The following KDM4B variants were observed in gnomAD, a reference collection of about 807,000 sequenced individuals.
KDM4B encodes the protein lysine demethylase 4B.
A neutral mutation model predicts 125.2 loss-of-function variants in KDM4B; 32 were observed. The observed-to-expected ratio is 0.26, with a 90% CI of 0.19 to 0.34. KDM4B has a LOEUF of 0.34. Ranked by LOEUF, KDM4B falls within the 10% of genes least tolerant of loss-of-function variation. The pLI, the probability that KDM4B is intolerant of heterozygous loss-of-function variation, is 1.00. For synonymous variants in KDM4B, 721 were observed against 677.9 expected (o/e 1.06, Z -0.99); for missense variants, 1,190 against 1,577.7 (o/e 0.75, Z 4.16).
Position 5,115,307 on chromosome 19 carries a change from CAGTG to C in KDM4B, c.1116-4345_1116-4342del, listed in dbSNP as rs904706715. 1.1e-4 allele frequency among the ~76,000 whole-genome samples: 17 copies of C among 152,104 alleles called. No homozygotes were observed. The highest frequency in any genetic ancestry group is 2.1e-4 in the Non-Finnish European group (14 of 68,004). ...GGATGTGGGGGCAACCAGCAGAAGA[CAGTG>C]GGTGGCTCTGGGCAGAAGGGAGGCG... is the stretch of plus-strand genomic sequence containing the variant. On this transcript the variant is annotated intron_variant, in intron 10 of 22. Transcript: ENST00000159111. The surrounding 1 kb of genome is among the most constrained non-coding windows in gnomAD (Gnocchi z 4.2).
At chr19:5,098,667 G>A (rs935470854) in intron 9 of KDM4B, among the ~76,000 whole-genome samples, 2 of 152,142 alleles carry the variant, frequency 1.3e-5, no homozygotes, top group Non-Finnish European at 2.9e-5. Flanking sequence ...AAGAGATGGG[G>A]CCTCTGGGAG....
intron 3 of KDM4B, among the ~76,000 whole-genome samples, 161 bp downstream of exon 3, chr19:5,033,192 G>C (rs1181336307): frequency 1.3e-5 from 2 of 152,246 alleles, no homozygotes; most frequent in Non-Finnish European, 2.9e-5. Context: ...TGTTTGTGGA[G>C]TTCCAACAAT....
chr19:5,127,264 G>A (rs983409207), intron 11 of KDM4B, among the ~76,000 whole-genome samples: 1 of 152,172 alleles, frequency 6.6e-6, no homozygotes, highest in Admixed American at 6.5e-5. Flanking sequence ...AGGTCCCTGT[G>A]GAGTGTAGTC....
At chr19:5,097,332 C>T (rs1252315493) in intron 9 of KDM4B, among the ~76,000 whole-genome samples, 1 of 152,182 alleles carries the variant, frequency 6.6e-6, no homozygotes, top group Non-Finnish European at 1.5e-5. Context: ...CTCACTGCAG[C>T]CTTGACCTCC....
chr19:4,991,851 G>T (rs190279247), intron 1 of KDM4B, among the ~76,000 whole-genome samples: 16 of 152,344 alleles, frequency 1.1e-4, no homozygotes, highest in African/African-American at 3.8e-4. Flanking sequence ...TGGAATCACA[G>T]CGTATTTAAC....
At chr19:5,013,580 C>G (rs1263460889) in intron 1 of KDM4B, among the ~76,000 whole-genome samples, 1 of 152,224 alleles carries the variant, frequency 6.6e-6, no homozygotes, top group Non-Finnish European at 1.5e-5. Context: ...CTCCCAGCGT[C>G]TAGAGGTGTC....
chr19:5,084,419 TTA>T (rs527655842), intron 9 of KDM4B, among the ~76,000 whole-genome samples: 2,227 of 141,490 alleles, frequency 0.016, 57 homozygotes, highest in South Asian at 0.066. Flanking sequence ...ATTACATAAT[TTA>T]TATATATAAA....
intron 6 of KDM4B, among the ~76,000 whole-genome samples, chr19:5,052,633 ACCTCCCTC>A (rs1174015648): frequency 6.6e-6 from 1 of 151,604 alleles, no homozygotes; most frequent in Non-Finnish European, 1.5e-5. Flanking sequence ...GGGGGCAGAC[ACCTCCCTC>A]CCTCCTGGGC....
chr19:4,978,936 A>G lies in KDM4B; in HGVS notation c.-109+9706A>G, dbSNP rs546789333. On this transcript the variant is annotated intron_variant, in intron 1 of 22. Transcript: ENST00000159111. ...AGGGGCGCAGGGTGGCCAGATGACC[A>G]GTGTCTCCTGCCCGCAGGGCCTCTT... 9.8e-5 allele frequency among the ~76,000 whole-genome samples: 15 copies of G among 152,302 alleles called. No individual in the cohort carries two copies. In the East Asian group the frequency reaches 2.7e-3, roughly 27 times the overall value.
chr19:5,026,317 G>A (rs1023464696), intron 2 of KDM4B, among the ~76,000 whole-genome samples: 2 of 151,878 alleles, frequency 1.3e-5, no homozygotes, highest in Admixed American at 6.5e-5. Context: ...GAGCCACCAC[G>A]CCCAGCCTTA....
intron 2 of KDM4B, among the ~76,000 whole-genome samples, chr19:5,028,886 G>T (rs1208501529): frequency 1.3e-5 from 2 of 152,138 alleles, no homozygotes; most frequent in Non-Finnish European, 2.9e-5. Flanking sequence ...AGAGCTGTCT[G>T]CCCAAGTCCT....
chr19:5,053,703 A>G (rs1248416780), intron 6 of KDM4B, among the ~76,000 whole-genome samples: 5 of 152,228 alleles, frequency 3.3e-5, no homozygotes, highest in African/African-American at 1.2e-4. Flanking sequence ...TCTCTGCAGA[A>G]GGAACCTCTT....
At chr19:5,140,084 T>G (rs1244765101) in intron 18 of KDM4B, among the ~76,000 whole-genome samples, 1 of 152,184 alleles carries the variant, frequency 6.6e-6, no homozygotes. Flanking sequence ...TGCAGTGGTG[T>G]GAGCTGGGCC....
chr19:5,110,663 G>C lies in KDM4B; in HGVS notation c.960G>C (p.Val320=). The C allele has an allele frequency of 6.2e-7, 1 of 1,613,064 alleles. No homozygotes were observed. Among genetic ancestry groups the C allele is most frequent in the Non-Finnish European group, 8.5e-7 (1 of 1,179,902 alleles). ...RKDMVKISMD[V]FVRILQPERY... ...ACATGGTCAAGATCTCCATGGACGT[G>C]TTCGTGCGCATCCTGCAGCCCGAGC... The change falls in exon 10 of 23, where the codon GTG becomes GTC. Residue 320 remains valine (V), a synonymous_variant. Coordinates refer to ENST00000159111, the MANE Select transcript of KDM4B (RefSeq NM_015015.3).
intron 7 of KDM4B, among the ~76,000 whole-genome samples, chr19:5,073,401 C>A (rs2038008033): frequency 6.6e-6 from 1 of 152,240 alleles, no homozygotes; most frequent in African/African-American, 2.4e-5. Flanking sequence ...GCTCTAGGCT[C>A]CGCAGTCTGT....
intron 1 of KDM4B, among the ~76,000 whole-genome samples, chr19:5,006,044 G>C (rs1392431833): frequency 6.6e-6 from 1 of 152,114 alleles, no homozygotes; most frequent in Non-Finnish European, 1.5e-5. Flanking sequence ...CATGGGTAGG[G>C]GACAGTTTTT....
At chr19:5,123,542 C>A (rs572071391) in intron 11 of KDM4B, among the ~76,000 whole-genome samples, 1 of 152,224 alleles carries the variant, frequency 6.6e-6, no homozygotes, top group Non-Finnish European at 1.5e-5. Context: ...ACCCCAGGTC[C>A]GGGGGCTAGG....
intron 10 of KDM4B, among the ~76,000 whole-genome samples, chr19:5,116,262 A>AG (rs1419358436): frequency 1.3e-5 from 2 of 150,454 alleles, no homozygotes; most frequent in African/African-American, 4.9e-5. Flanking sequence ...AAAAAAAAAA[A>AG]ATTATAAAGA....
chr19:5,104,061 TG>T (rs1446728032), intron 9 of KDM4B, among the ~76,000 whole-genome samples: 1 of 152,092 alleles, frequency 6.6e-6, no homozygotes, highest in Non-Finnish European at 1.5e-5. Context: ...CCTTTTTATC[TG>T]GGAAAAAGTG....
Sources: allele counts gnomAD v4.1 joint callset (sites outside exome capture counted in the v4.1 genomes callset), GRCh38; gene constraint gnomAD v4.1.1; non-coding constraint Gnocchi (gnomAD v3.1); transcripts MANE v1.5; gene names NCBI Gene and HGNC (gene_info 2026-07-23, HGNC 2026-07-21).